ZBED6: variants seen among roughly 807,000 people sequenced by gnomAD.
ZBED6 encodes zinc finger BED domain-containing protein 6.
In ZBED6, 40 loss-of-function variants were observed where a neutral mutation model predicts 58.4. The ratio of observed to expected loss-of-function variants is 0.68; its 90% confidence interval spans 0.53 to 0.89. The LOEUF (loss-of-function observed/expected upper bound fraction) is 0.89, where lower values mean the gene tolerates loss of function less well. ZBED6 is among the 40% of genes least tolerant of loss of function. ZBED6 has a pLI of 0.00. For synonymous variants in ZBED6, 439 were observed against 350.6 expected, an observed-to-expected ratio of 1.25 and a Z score of -2.82; for missense variants, 1,057 against 1,003.9, an observed-to-expected ratio of 1.05 and a Z score of -0.71.
chr1:203,819,253 A>T (rs1160097222), intron 3 of ZBED6, among the ~76,000 whole-genome samples: 1 of 137,862 alleles, frequency 7.3e-6, no homozygotes, highest in South Asian at 2.3e-4. Context: ...ACGGAGTCTC[A>T]CTCTGTCGCC....
rs1206527269 is a variant in ZBED6, at chr1:203,852,605, G to A, written c.*5338G>A. 4 of 592,528 alleles carry A rather than the reference G, an allele frequency of 6.8e-6. No homozygotes were observed. In the Admixed American group the frequency reaches 9.5e-5, roughly 14 times the overall value. 36.7% of individuals were successfully genotyped at this position (592,528 alleles called of 1,614,324 possible). A position where few individuals can be genotyped will look rare whatever the true frequency, so the allele number is the denominator to read the frequency against. On this transcript the variant is annotated 3_prime_UTR_variant, in exon 17 of 17. Coordinates refer to ENST00000550078, the Ensembl canonical transcript of ZBED6. Reference sequence around the variant, plus strand: ...TTTATAACCATTTTGTCCATTTGATGCCATTGTTTATCATCTTTTGAGAAA... The same window carrying A: ...TTTATAACCATTTTGTCCATTTGATACCATTGTTTATCATCTTTTGAGAAA...
intron 6 of ZBED6, 51 bp from the exon 7 acceptor site, chr1:203,830,072 C>A (rs1681770547): frequency 1.4e-6 from 2 of 1,465,946 alleles, no homozygotes; most frequent in South Asian, 1.2e-5. Context: ...AGATAAAATA[C>A]AAAGATGAAA....
chr1:203,846,276 T>C (rs941916452), intron 11 of ZBED6, among the ~76,000 whole-genome samples: 12 of 152,136 alleles, frequency 7.9e-5, no homozygotes, highest in Non-Finnish European at 1.6e-4. Flanking sequence ...TTCTTAGCCC[T>C]TCAGTAATGA....
intron 3 of ZBED6, among the ~76,000 whole-genome samples, chr1:203,825,254 CTA>C (rs1319376346): frequency 6.6e-6 from 1 of 152,044 alleles, no homozygotes; most frequent in Non-Finnish European, 1.5e-5. Flanking sequence ...GAACCCAACT[CTA>C]TTTCCCTTAG....
chr1:203,851,614 G>A (rs1187906389), intron 16 of ZBED6, among the ~76,000 whole-genome samples: 1 of 152,152 alleles, frequency 6.6e-6, no homozygotes, highest in Non-Finnish European at 1.5e-5. Context: ...ACAGGCATGA[G>A]CTACCATGCC....
At chr1:203,821,993 G>A (rs911265593) in intron 3 of ZBED6, among the ~76,000 whole-genome samples, 14 of 152,150 alleles carry the variant, frequency 9.2e-5, no homozygotes, top group African/African-American at 1.2e-4. Context: ...TGCTGACCTC[G>A]TGATCCGCCC....
intron 16 of ZBED6, 45 bp downstream of exon 16, chr1:203,851,169 ACT>A (rs1250823831): frequency 1.3e-6 from 2 of 1,568,986 alleles, no homozygotes; most frequent in African/African-American, 2.7e-5. Context: ...GGCCCCTGTT[ACT>A]GTTTAGGCTC....
rs1481032622 is a variant in ZBED6, at chr1:203,833,343, C to T, written c.*3511-448C>T. 6.3e-4 allele frequency among the ~76,000 whole-genome samples: 83 copies of T among 131,020 alleles called. 1 individual carries two copies. Among genetic ancestry groups the T allele is most frequent in the African/African-American group, 2.2e-3 (74 of 34,268 alleles). The allele number at this position is 131,020 out of a possible 152,430, so 86.0% of individuals were successfully genotyped here. On this transcript the variant is annotated intron_variant, in intron 8 of 16. Transcript: ENST00000550078. Reference sequence around the variant, plus strand: ...TCGGGCCACTGCACTCTAGCCTGGGCGACAGAGTGAGACTCTGTCTCAAAA... The same window carrying T: ...TCGGGCCACTGCACTCTAGCCTGGGTGACAGAGTGAGACTCTGTCTCAAAA...
At chr1:203,814,245 G>A (rs574775565) in intron 1 of ZBED6, among the ~76,000 whole-genome samples, 2 of 152,036 alleles carry the variant, frequency 1.3e-5, no homozygotes, top group African/African-American at 2.4e-5. Flanking sequence ...AACCTTTCCG[G>A]CCAGGCGCTG....
chr1:203,837,506 TGTA>T (rs889149785), intron 9 of ZBED6, among the ~76,000 whole-genome samples: 8 of 150,092 alleles, frequency 5.3e-5, no homozygotes, highest in African/African-American at 1.5e-4. Flanking sequence ...CAGGCAGGAG[TGTA>T]GTATTATGAT....
At chr1:203,831,527 C>A (rs556674589) in intron 7 of ZBED6, 134 bp from the exon 8 acceptor site, 3 of 688,108 alleles carry the variant, frequency 4.4e-6, no homozygotes, top group Middle Eastern at 4.0e-4. Flanking sequence ...CAAACAGATA[C>A]AGAAAGGCTG....
chr1:203,824,191 C>T (rs1177146188), intron 3 of ZBED6, among the ~76,000 whole-genome samples: 1 of 151,080 alleles, frequency 6.6e-6, no homozygotes, highest in African/African-American at 2.4e-5. Flanking sequence ...TCGCTTGAAC[C>T]TGGGAGGTGG....
chr1:203,840,817 A>G (rs1252805484), intron 11 of ZBED6, among the ~76,000 whole-genome samples: 1 of 151,996 alleles, frequency 6.6e-6, no homozygotes, highest in African/African-American at 2.4e-5. Flanking sequence ...TATTTTTAGT[A>G]GAGACGGGGT....
intron 2 of ZBED6, among the ~76,000 whole-genome samples, chr1:203,818,238 A>G (rs1202570566): frequency 6.7e-6 from 1 of 150,114 alleles, no homozygotes; most frequent in African/African-American, 2.4e-5. Flanking sequence ...ATCAAAAGCT[A>G]GAGTTACACA....
chr1:203,850,058 GT>G (rs1354766006), intron 14 of ZBED6, 32 bp downstream of exon 14: 1 of 1,593,722 alleles, frequency 6.3e-7, no homozygotes, highest in Non-Finnish European at 8.5e-7. Context: ...ATTGCTTTAG[GT>G]TATCAAAATT....
exon 17 of ZBED6, chr1:203,852,147 G>A (rs751432380): frequency 6.2e-7 from 1 of 1,612,996 alleles, no homozygotes; most frequent in East Asian, 2.2e-5. Flanking sequence ...ACAGTCTTGT[G>A]CTGCCTCCAA....
chr1:203,847,723 C>T (rs1384928288), intron 12 of ZBED6, 36 bp downstream of exon 12: 3 of 1,591,232 alleles, frequency 1.9e-6, no homozygotes, highest in South Asian at 1.1e-5. Flanking sequence ...ACCACGTCCC[C>T]ACATAATATT....
At chr1:203,828,540 C>T (rs774779915) in intron 4 of ZBED6, 118 bp downstream of exon 4, 4 of 1,267,570 alleles carry the variant, frequency 3.2e-6, no homozygotes, top group Non-Finnish European at 3.3e-6. Context: ...GAATTATTTC[C>T]ACTTTACAGA....
intron 9 of ZBED6, 163 bp downstream of exon 9, chr1:203,834,016 A>T: frequency 7.7e-7 from 1 of 1,290,730 alleles, no homozygotes; most frequent in Non-Finnish European, 9.8e-7. Context: ...TATACCTTTT[A>T]TTGAAGATAC....
Sources: allele counts gnomAD v4.1 joint callset (sites outside exome capture counted in the v4.1 genomes callset), GRCh38; gene constraint gnomAD v4.1.1; transcripts MANE v1.5; gene names NCBI Gene and HGNC (gene_info 2026-07-23, HGNC 2026-07-21).